Variants in GTF3A observed in about 807,000 individuals in gnomAD.
The protein encoded by GTF3A is transcription factor IIIA.
A neutral mutation model predicts 37.6 loss-of-function variants in GTF3A; 40 were observed. The observed-to-expected ratio is 1.06, with a 90% CI of 0.83 to 1.38. The LOEUF (loss-of-function observed/expected upper bound fraction) is 1.38. Ranked by LOEUF, GTF3A falls within the 40% of genes most tolerant of loss-of-function variation. The pLI, the probability that GTF3A is intolerant of heterozygous loss-of-function variation, is 0.00. For synonymous variants in GTF3A, 191 were observed against 166.7 expected, an observed-to-expected ratio of 1.15 and a Z score of -1.12; for missense variants, 500 against 462.6, an observed-to-expected ratio of 1.08 and a Z score of -0.74.
intron 2 of GTF3A, 148 bp from the exon 3 acceptor site, chr13:27,429,722 G>A (rs1201185998): frequency 1.9e-6 from 1 of 524,318 alleles, no homozygotes; most frequent in African/African-American, 2.0e-5. Context: ...TATGTGGTAT[G>A]GCTTAACACT....
At chr13:27,429,683 G>A (rs1206040216) in intron 2 of GTF3A, among the ~76,000 whole-genome samples, 187 bp from the exon 3 acceptor site, 1 of 152,170 alleles carries the variant, frequency 6.6e-6, no homozygotes, top group East Asian at 1.9e-4. Flanking sequence ...AAAGCATTTT[G>A]TTACATGATA....
At chr13:27,428,346 A>C (rs753867281) in intron 2 of GTF3A, among the ~76,000 whole-genome samples, 14 of 152,092 alleles carry the variant, frequency 9.2e-5, no homozygotes, top group Non-Finnish European at 1.5e-4. Context: ...CCACTGTCTT[A>C]TCTCGGTCCC....
Position 27,431,828 on chromosome 13 carries a change from T to G in GTF3A, c.489-903T>G, listed in dbSNP as rs188239018. Among the ~76,000 whole-genome samples, 252 of 152,314 alleles carry G rather than the reference T, an allele frequency of 1.7e-3. 1 individual carries two copies. Among genetic ancestry groups the G allele is most frequent in the Non-Finnish European group, 2.6e-3 (179 of 68,034 alleles). On this transcript the variant is annotated intron_variant, in intron 4 of 8. Transcript: ENST00000381140. ...TTCTGAAAGCTTCCTAATCAACATT[T>G]TTCTGTTAAAATGTACTGCATATGC... is the stretch of plus-strand genomic sequence containing the variant.
At position 27,424,676 on chromosome 13, in the gene GTF3A, T is replaced by TC. The variant is rs1310250918; in HGVS notation, c.-59dup. On this transcript the variant is annotated 5_prime_UTR_variant, in exon 1 of 9. Transcript: ENST00000381140. ...GGAGCCGTGGGCCGGGCGCGCCGGT[T>TC]CCCGGCACGTGTCTCGGCACGTGGC... 1.6e-6 allele frequency: 2 copies of TC among 1,234,706 alleles called. No individual in the cohort carries two copies. Among genetic ancestry groups the TC allele is most frequent in the African/African-American group, 3.2e-5 (2 of 62,644 alleles). The allele number at this position is 1,234,706 out of a possible 1,614,324, so 76.5% of individuals were successfully genotyped here. A position where few individuals can be genotyped will look rare whatever the true frequency, so the allele number is the denominator to read the frequency against.
chr13:27,429,857 T>A lies in GTF3A; in HGVS notation c.303-13T>A, dbSNP rs1205658973. 6 of 1,467,088 alleles carry A rather than the reference T, an allele frequency of 4.1e-6. No homozygotes were observed. Among genetic ancestry groups the A allele is most frequent in the Non-Finnish European group, 5.5e-6 (6 of 1,097,550 alleles). The allele number at this position is 1,467,088 out of a possible 1,614,324, so 90.9% of individuals were successfully genotyped here. A position where few individuals can be genotyped will look rare whatever the true frequency, so the allele number is the denominator to read the frequency against. ...TGGTTTATTAATATTTTGGTTTATATAACTTCTTACAGTTGTGCAGCCAAT... is the reference window on the plus strand; with the variant it reads ...TGGTTTATTAATATTTTGGTTTATAAAACTTCTTACAGTTGTGCAGCCAAT... On this transcript the variant is annotated splice_polypyrimidine_tract_variant and intron_variant, in intron 2 of 8. Transcript: ENST00000381140.
At chr13:27,430,717 C>A in intron 4 of GTF3A, 96 bp downstream of exon 4, 2 of 772,582 alleles carry the variant, frequency 2.6e-6, no homozygotes, top group Non-Finnish European at 4.5e-6. Context: ...TGTTTTTTGG[C>A]CATTTGTATA....
intron 2 of GTF3A, among the ~76,000 whole-genome samples, chr13:27,427,735 C>T (rs914350756): frequency 6.6e-6 from 1 of 150,778 alleles, no homozygotes; most frequent in Non-Finnish European, 1.5e-5. Context: ...GTATTTGTTC[C>T]TATTTGTAAA....
chr13:27,434,188 A>C lies in GTF3A; in HGVS notation c.612A>C (p.Glu204Asp). 7.2e-7 allele frequency: 1 copy of C among 1,396,082 alleles called. No homozygotes were observed. The highest frequency in any genetic ancestry group is 1.0e-6 in the Non-Finnish European group (1 of 980,978). The allele number at this position is 1,396,082 out of a possible 1,614,324, so 86.5% of individuals were successfully genotyped here. A position where few individuals can be genotyped will look rare whatever the true frequency, so the allele number is the denominator to read the frequency against. ...CCTTTGTGGCAAAAACATGGACGGA[A>C]CTTCTGAAACATGTGAGAGAAACCC... The change falls in exon 6 of 9, where the codon GAA (glutamate) becomes GAC (aspartate). Residue 204 changes from glutamate (E) to aspartate (D), a missense_variant. Coordinates refer to ENST00000381140, the MANE Select transcript of GTF3A (RefSeq NM_002097.3).
chr13:27,427,295 TG>T, intron 2 of GTF3A, 103 bp downstream of exon 2: 2 of 690,634 alleles, frequency 2.9e-6, no homozygotes, highest in Non-Finnish European at 5.3e-6. Flanking sequence ...ATGTGAAGCC[TG>T]GCAGGGCTCG....
chr13:27,424,893 C>T lies in GTF3A; in HGVS notation c.156C>T (p.Ser52=). Residue 52 remains serine, a synonymous_variant, in exon 1 of 9, where the codon AGC becomes AGT. Transcript: ENST00000381140. Reference sequence around the variant, plus strand: ...TCCCTGACTGCAGCGCCAATTACAGCAAAGCCTGGAAGCTTGACGCGCACC... The same window carrying T: ...TCCCTGACTGCAGCGCCAATTACAGTAAAGCCTGGAAGCTTGACGCGCACC... 6.5e-7 allele frequency: 1 copy of T among 1,550,100 alleles called. No individual in the cohort carries two copies. Among genetic ancestry groups the T allele is most frequent in the Non-Finnish European group, 8.7e-7 (1 of 1,146,314 alleles).
At position 27,429,888 on chromosome 13, in the gene GTF3A, T is replaced by C; in HGVS notation, c.321T>C (p.Cys107=). The C allele has an allele frequency of 6.5e-7, 1 of 1,532,178 alleles. No individual in the cohort carries two copies. Among genetic ancestry groups the C allele is most frequent in the Non-Finnish European group, 8.8e-7 (1 of 1,140,282 alleles). 94.9% of individuals were successfully genotyped at this position (1,532,178 alleles called of 1,614,324 possible). Residue 107 remains cysteine, a synonymous_variant, in exon 3 of 9, where the codon TGT becomes TGC. Transcript: ENST00000381140. ...CTTACAGTTGTGCAGCCAATGGCTG[T>C]GATCAAAAATTCAACACAAAATCAA...
Position 27,434,973 on chromosome 13 carries a change from A to T in GTF3A, c.812A>T (p.His271Leu), listed in dbSNP as rs1953696352. 6.2e-7 allele frequency: 1 copy of T among 1,611,870 alleles called. No individual in the cohort carries two copies. Among genetic ancestry groups the T allele is most frequent in the Admixed American group, 1.7e-5 (1 of 60,002 alleles). ...CTCCAAAGCCATATCCTCTCCTTCC[A>T]TGAGGAAAGCCGCCCTTTTGTGTGT... Residue 271 changes from histidine to leucine, a missense_variant, in exon 7 of 9, where the codon CAT becomes CTT. Transcript: ENST00000381140.
intron 1 of GTF3A, 65 bp downstream of exon 1, chr13:27,425,003 C>A: frequency 1.6e-6 from 2 of 1,217,188 alleles, no homozygotes; most frequent in Non-Finnish European, 2.3e-6. Flanking sequence ...GTAGCCACTG[C>A]AGTCGTGGCC....
chr13:27,435,187 C>A lies in GTF3A; in HGVS notation c.928C>A (p.Leu310Ile). The change falls in exon 8 of 9, where the codon CTC becomes ATC. Residue 310 changes from leucine (L) to isoleucine (I), a missense_variant. Transcript: ENST00000381140. ...TGATCCTGACAAGAAGAAAATGAAG[C>A]TCAAAGTAAGTTGAAACTACTTAGG... 6.3e-7 allele frequency: 1 copy of A among 1,597,152 alleles called. No homozygotes were observed. Among genetic ancestry groups the A allele is most frequent in the Non-Finnish European group, 8.5e-7 (1 of 1,175,036 alleles).
chr13:27,429,663 C>A (rs1953640340), intron 2 of GTF3A, among the ~76,000 whole-genome samples: 2 of 152,090 alleles, frequency 1.3e-5, no homozygotes, highest in South Asian at 4.1e-4. Context: ...TTTCAGAAGC[C>A]TAATATGAAA....
intron 5 of GTF3A, 70 bp downstream of exon 5, chr13:27,432,874 T>A (rs910658395): frequency 5.8e-5 from 72 of 1,244,688 alleles, no homozygotes; most frequent in Non-Finnish European, 8.0e-5. Context: ...ATCTGTTCTG[T>A]GATCACGCTG....
chr13:27,430,248 G>A (rs980079920), intron 3 of GTF3A, among the ~76,000 whole-genome samples: 11 of 152,200 alleles, frequency 7.2e-5, no homozygotes, highest in African/African-American at 2.4e-4. Context: ...CCAAATGTCT[G>A]AATTTACTTA....
At chr13:27,429,299 G>GGAAAAAA (rs374040932) in intron 2 of GTF3A, 1 of 117,046 alleles carries the variant, frequency 8.5e-6, no homozygotes, top group Non-Finnish European at 1.7e-5. Context: ...TTTCTTTTGG[G>GGAAAAAA]AAAAAAAAAA....
intron 5 of GTF3A, among the ~76,000 whole-genome samples, chr13:27,433,693 T>C (rs2780337): frequency 0.55 from 83,658 of 151,766 alleles, 24,978 homozygotes; most frequent in South Asian, 0.68. Context: ...AGGGACCGAC[T>C]GCAGAGTATG....
Sources: gnomAD v4.1 joint callset for allele counts (sites outside exome capture counted in the v4.1 genomes callset) on GRCh38, gnomAD v4.1.1 for gene constraint, MANE v1.5 for transcripts, NCBI Gene and HGNC (gene_info 2026-07-23, HGNC 2026-07-21) for gene names.